The following ARL15 variants were observed in gnomAD, a reference collection of about 807,000 sequenced individuals.
ARL15 encodes the protein ARF like GTPase 15.
Under a neutral mutation model 25.2 loss-of-function variants are expected in ARL15, and 19 were observed. That is an observed-to-expected ratio of 0.75 (90% CI 0.53 to 1.10). The LOEUF is 1.10. ARL15 is among the 50% of genes least tolerant of loss of function. The pLI is 0.00. For missense variants in ARL15, 220 were observed against 246.0 expected (o/e 0.89, Z 0.71); for synonymous variants, 94 against 86.8 (o/e 1.08, Z -0.46).
At chr5:54,210,247 A>C (rs1756000131) in intron 1 of ARL15, among the ~76,000 whole-genome samples, 1 of 152,190 alleles carries the variant, frequency 6.6e-6, no homozygotes, top group Non-Finnish European at 1.5e-5. Flanking sequence ...CACAGGCATC[A>C]TTACCATAAA....
At chr5:54,122,983 T>C (rs913448570) in intron 3 of ARL15, among the ~76,000 whole-genome samples, 1 of 152,188 alleles carries the variant, frequency 6.6e-6, no homozygotes, top group African/African-American at 2.4e-5. Flanking sequence ...TATTTATTGA[T>C]TAAGTTAATT....
At chr5:54,237,248 C>T (rs1000888866) in intron 1 of ARL15, among the ~76,000 whole-genome samples, 5 of 152,198 alleles carry the variant, frequency 3.3e-5, no homozygotes, top group African/African-American at 1.2e-4. Context: ...GCAAGGCATG[C>T]CTTTGCTACC....
intron 1 of ARL15, among the ~76,000 whole-genome samples, chr5:54,263,768 T>A (rs971771626): frequency 6.6e-6 from 1 of 152,032 alleles, no homozygotes; most frequent in African/African-American, 2.4e-5. Context: ...ACCCCATCCA[T>A]ACAACCCCCA....
rs1753667884 is a variant in ARL15 at position 54,138,358 on chromosome 5, C to T, written c.253+16222G>A. On this transcript the variant is annotated intron_variant, in intron 3 of 4. Coordinates refer to ENST00000504924, the MANE Select transcript of ARL15 (RefSeq NM_019087.3). Reference sequence around the variant, plus strand: ...TACCAATGGAACAGGATAGAGAATGCAGAAATAAAGCTAAACGCAACCAAC... The same window carrying T: ...TACCAATGGAACAGGATAGAGAATGTAGAAATAAAGCTAAACGCAACCAAC... 2.0e-5 allele frequency among the ~76,000 whole-genome samples: 3 copies of T among 152,010 alleles called. No individual in the cohort carries two copies. In the South Asian group the frequency reaches 6.2e-4, roughly 32 times the overall value.
chr5:53,926,940 CT>C (rs376508455), intron 4 of ARL15, among the ~76,000 whole-genome samples: 9 of 143,094 alleles, frequency 6.3e-5, no homozygotes, highest in South Asian at 2.2e-4. Context: ...TCACCAAGAC[CT>C]TTTTTTTTAA....
chr5:54,221,871 A>AC (rs1756387854), intron 1 of ARL15, among the ~76,000 whole-genome samples: 2 of 143,162 alleles, frequency 1.4e-5, no homozygotes, highest in Admixed American at 6.9e-5. Flanking sequence ...ACACACACAC[A>AC]AAACCCTCAT....
At chr5:53,999,825 G>T (rs1748796860) in intron 4 of ARL15, among the ~76,000 whole-genome samples, 1 of 152,040 alleles carries the variant, frequency 6.6e-6, no homozygotes, top group Non-Finnish European at 1.5e-5. Flanking sequence ...GAACCGGGAG[G>T]TGGAGGTTGC....
intron 4 of ARL15, among the ~76,000 whole-genome samples, chr5:53,965,506 G>T (rs977784263): frequency 1.3e-5 from 2 of 152,134 alleles, no homozygotes; most frequent in South Asian, 2.1e-4. Flanking sequence ...AGGTGGGGGG[G>T]ACTTGTGTTG....
intron 2 of ARL15, among the ~76,000 whole-genome samples, chr5:54,156,058 T>A (rs558504489): frequency 6.6e-6 from 1 of 152,316 alleles, no homozygotes; most frequent in East Asian, 1.9e-4. Flanking sequence ...ATATATAAAG[T>A]ATTACATGGA....
intron 1 of ARL15, among the ~76,000 whole-genome samples, chr5:54,214,200 A>G (rs189428787): frequency 1.2e-3 from 190 of 152,336 alleles, no homozygotes; most frequent in African/African-American, 4.5e-3. Flanking sequence ...CTTCAGCTCC[A>G]GCACATTTAA....
intron 3 of ARL15, among the ~76,000 whole-genome samples, chr5:54,147,212 T>C (rs756932284): frequency 6.6e-5 from 10 of 152,172 alleles, no homozygotes; most frequent in Admixed American, 1.3e-4. Flanking sequence ...CCTGGTTCTT[T>C]TCCTTGATAA....
At chr5:54,128,530 G>A (rs193223242) in intron 3 of ARL15, among the ~76,000 whole-genome samples, 34 of 152,142 alleles carry the variant, frequency 2.2e-4, no homozygotes, top group Middle Eastern at 3.4e-3. Context: ...TGTATCAGAC[G>A]TAACACTAGG....
At chr5:54,015,745 C>T (rs62372425) in intron 4 of ARL15, among the ~76,000 whole-genome samples, 4,496 of 152,188 alleles carry the variant, frequency 0.03, 120 homozygotes, top group Admixed American at 0.069. Flanking sequence ...GTGCTCAGGA[C>T]ACACCATCCC....
chr5:54,230,695 C>A (rs1447454466), intron 1 of ARL15, among the ~76,000 whole-genome samples: 2 of 152,316 alleles, frequency 1.3e-5, no homozygotes, highest in Non-Finnish European at 2.9e-5. Flanking sequence ...CCTGTCCTCT[C>A]CCTCTGTGCG....
At chr5:54,020,136 G>A (rs2111832490) in intron 4 of ARL15, among the ~76,000 whole-genome samples, 1 of 152,308 alleles carries the variant, frequency 6.6e-6, no homozygotes, top group Admixed American at 6.5e-5. Flanking sequence ...ATTAAAATGA[G>A]ATTTTAAAAA....
intron 3 of ARL15, among the ~76,000 whole-genome samples, chr5:54,144,583 A>G (rs1417607820): frequency 6.6e-6 from 1 of 151,630 alleles, no homozygotes; most frequent in East Asian, 1.9e-4. Context: ...CTCATTTTTC[A>G]TTTGGCATCT....
chr5:54,001,456 T>C (rs1297159650), intron 4 of ARL15, among the ~76,000 whole-genome samples: 1 of 152,162 alleles, frequency 6.6e-6, no homozygotes, highest in East Asian at 1.9e-4. Context: ...CTTCAAAATC[T>C]ATCTGGTTTC....
chr5:54,163,355 G>GTTTTTTTTTTTTTTTTTTTTTTTTTT lies in ARL15; in HGVS notation c.193+8428_193+8429insAAAAAAAAAAAAAAAAAAAAAAAAAA, dbSNP rs1754465268. 1.8e-3 allele frequency among the ~76,000 whole-genome samples: 92 copies of GTTTTTTTTTTTTTTTTTTTTTTTTTT among 51,346 alleles called. 41 individuals carry two copies. Among genetic ancestry groups the GTTTTTTTTTTTTTTTTTTTTTTTTTT allele is most frequent in the African/African-American group, 2.6e-3 (32 of 12,092 alleles). 33.7% of individuals were successfully genotyped at this position (51,346 alleles called of 152,430 possible). Reference sequence around the variant, plus strand: ...TGTCCATGAGGGCTATTGGTATGAAGCTTTTTTTTTTTTTTTTTTTTTTTT... The same window carrying GTTTTTTTTTTTTTTTTTTTTTTTTTT: ...TGTCCATGAGGGCTATTGGTATGAAGTTTTTTTTTTTTTTTTTTTTTTTTTTCTTTTTTTTTTTTTTTTTTTTTTTT... On this transcript the variant is annotated intron_variant, in intron 2 of 4. Coordinates refer to ENST00000504924, the MANE Select transcript of ARL15 (RefSeq NM_019087.3).
At chr5:53,893,420 C>T (rs1023860924) in intron 4 of ARL15, among the ~76,000 whole-genome samples, 2 of 152,128 alleles carry the variant, frequency 1.3e-5, no homozygotes, top group Non-Finnish European at 2.9e-5. Context: ...TCCTGGCTAA[C>T]ACGGTGAAAC....
Sources: allele counts gnomAD v4.1 joint callset (sites outside exome capture counted in the v4.1 genomes callset), GRCh38; gene constraint gnomAD v4.1.1; transcripts MANE v1.5; gene names NCBI Gene and HGNC (gene_info 2026-07-23, HGNC 2026-07-21).